ZFYVE16: variants seen among roughly 807,000 people sequenced by gnomAD.
The protein encoded by ZFYVE16 is zinc finger FYVE-type containing 16.
A neutral mutation model predicts 138.1 loss-of-function variants in ZFYVE16; 89 were observed. The observed-to-expected ratio is 0.64, with a 90% CI of 0.54 to 0.77. ZFYVE16 has a LOEUF of 0.77. Among genes scored for constraint, ZFYVE16 ranks in the 30% least tolerant of loss-of-function variants. The pLI is 0.00. For missense variants in ZFYVE16, 1,793 were observed against 1,786.7 expected (o/e 1.00, Z -0.06); for synonymous variants, 596 against 618.3 (o/e 0.96, Z 0.53).
At chr5:80,458,040 A>C (rs1261326313) in intron 14 of ZFYVE16, among the ~76,000 whole-genome samples, 1 of 151,588 alleles carries the variant, frequency 6.6e-6, no homozygotes, top group Non-Finnish European at 1.5e-5. Flanking sequence ...TCTAAAAAAA[A>C]AAAAAAAAAA....
chr5:80,477,429 C>G lies in ZFYVE16; in HGVS notation c.*52C>G. 8 of 1,527,654 alleles carry G rather than the reference C, an allele frequency of 5.2e-6. No homozygotes were observed. The highest frequency in any genetic ancestry group is 7.0e-6 in the Non-Finnish European group (8 of 1,136,872). The allele number at this position is 1,527,654 out of a possible 1,614,324, so 94.6% of individuals were successfully genotyped here. A position where few individuals can be genotyped will look rare whatever the true frequency, so the allele number is the denominator to read the frequency against. ...GCAACCTAATTTGTTAAAACTAACT[C>G]CAGCACTAAAGCTGAAATGCCACAA... On this transcript the variant is annotated 3_prime_UTR_variant, in exon 19 of 19. Coordinates refer to ENST00000505560, the MANE Select transcript of ZFYVE16 (RefSeq NM_001284236.3).
chr5:80,428,371 T>C (rs921264189), intron 2 of ZFYVE16, among the ~76,000 whole-genome samples: 12 of 152,146 alleles, frequency 7.9e-5, no homozygotes, highest in African/African-American at 2.9e-4. Flanking sequence ...TCCAGCAAAC[T>C]CCAACAGACC....
intron 3 of ZFYVE16, among the ~76,000 whole-genome samples, chr5:80,434,924 C>T (rs907623946): frequency 3.3e-5 from 5 of 151,194 alleles, no homozygotes; most frequent in Admixed American, 2.6e-4. Context: ...TGCAGTGGCG[C>T]CATGTCAGCT....
chr5:80,442,075 TGATA>T (rs1280883169), intron 5 of ZFYVE16: 14 of 362,160 alleles, frequency 3.9e-5, no homozygotes, highest in African/African-American at 2.2e-5. Flanking sequence ...AGTGTAAGAG[TGATA>T]GATAGTTAAC....
Position 80,481,854 on chromosome 5 carries a change from C to CT in ZFYVE16, c.*4478dup, listed in dbSNP as rs530429067. Among the ~76,000 whole-genome samples, 26 of 152,252 alleles carry CT rather than the reference C, an allele frequency of 1.7e-4. No individual in the cohort carries two copies. Among genetic ancestry groups the CT allele is most frequent in the South Asian group, 6.2e-4 (3 of 4,828 alleles). ...TTTTTATTTATTTTTGAGACAGTCTCTATCACCCAGGCTAGAGTGCAGTGA... is the reference window on the plus strand; with the variant it reads ...TTTTTATTTATTTTTGAGACAGTCTCTTATCACCCAGGCTAGAGTGCAGTGA... On this transcript the variant is annotated 3_prime_UTR_variant, in exon 19 of 19. Coordinates refer to ENST00000505560, the MANE Select transcript of ZFYVE16 (RefSeq NM_001284236.3).
In ZFYVE16 at chr5:80,473,753, G is replaced by T; in HGVS notation, c.4188-1G>T. On this transcript the variant is annotated splice_acceptor_variant, in intron 16 of 18. Coordinates refer to ENST00000505560, the MANE Select transcript of ZFYVE16 (RefSeq NM_001284236.3). LOFTEE classifies it high-confidence loss of function. ...CTATTGTATTATGTTTTATTTCATA[G>T]AGTTATCAGTTCAGTGGATGGAATA... The T allele has an allele frequency of 6.3e-7, 1 of 1,595,138 alleles. No individual in the cohort carries two copies. Among genetic ancestry groups the T allele is most frequent in the South Asian group, 1.1e-5 (1 of 89,246 alleles).
chr5:80,425,698 C>G (rs1561244501), intron 1 of ZFYVE16, among the ~76,000 whole-genome samples: 1 of 152,166 alleles, frequency 6.6e-6, no homozygotes, highest in African/African-American at 2.4e-5. Context: ...TTATGCTTGA[C>G]TTTCCTGTAA....
intron 17 of ZFYVE16, 101 bp downstream of exon 17, chr5:80,473,960 A>T (rs1754641533): frequency 2.5e-6 from 2 of 813,654 alleles, no homozygotes; most frequent in South Asian, 3.5e-5. Context: ...TGCATAGCTT[A>T]TTATACTTTT....
chr5:80,468,921 C>T (rs1318565797), intron 15 of ZFYVE16, among the ~76,000 whole-genome samples: 2 of 151,810 alleles, frequency 1.3e-5, no homozygotes, highest in Non-Finnish European at 2.9e-5. Flanking sequence ...GGCTGGGACT[C>T]CTAATATAAT....
intron 11 of ZFYVE16, 55 bp downstream of exon 11, chr5:80,451,764 A>T: frequency 6.8e-7 from 1 of 1,463,414 alleles, no homozygotes; most frequent in Non-Finnish European, 9.4e-7. Context: ...CTGAATGTAA[A>T]GACTTTCAGG....
At chr5:80,443,405 A>C in intron 6 of ZFYVE16, 121 bp downstream of exon 6, 1 of 1,192,246 alleles carries the variant, frequency 8.4e-7, no homozygotes, top group Non-Finnish European at 1.2e-6. Flanking sequence ...GATTTAATAC[A>C]GGGAATTGGT....
chr5:80,409,746 G>A (rs900148982), intron 1 of ZFYVE16: 1 of 152,212 alleles, frequency 6.6e-6, no homozygotes, highest in Admixed American at 6.5e-5. Context: ...CAGGAAAAGC[G>A]AGGATCTTAC....
chr5:80,466,475 C>T (rs1383685641), intron 15 of ZFYVE16, among the ~76,000 whole-genome samples: 2 of 151,940 alleles, frequency 1.3e-5, no homozygotes, highest in Non-Finnish European at 2.9e-5. Context: ...CATTGATATT[C>T]TCTGTTTGGT....
intron 15 of ZFYVE16, among the ~76,000 whole-genome samples, chr5:80,470,840 C>T (rs1754293192): frequency 6.6e-6 from 1 of 152,076 alleles, no homozygotes; most frequent in Non-Finnish European, 1.5e-5. Flanking sequence ...GTATATTTGT[C>T]ATTGTTATAT....
intron 5 of ZFYVE16, 39 bp from the exon 6 acceptor site, chr5:80,443,084 A>C: frequency 6.7e-7 from 1 of 1,482,864 alleles, no homozygotes; most frequent in Non-Finnish European, 8.9e-7. Context: ...AATTCCAAAA[A>C]CATCTGAGAT....
At chr5:80,441,900 T>G (rs2112404926) in intron 5 of ZFYVE16, 1 of 985,308 alleles carries the variant, frequency 1.0e-6, no homozygotes. Context: ...ATTTTTTGGA[T>G]GAAGAATCAC....
Position 80,482,960 on chromosome 5 carries a change from G to A in ZFYVE16, c.*5583G>A, listed in dbSNP as rs1017657944. ...AGCTCACTGCAACCTCCGCCTCCCG[G>A]TTCAAGCAGTTCTCCTGTCTGAGCC... On this transcript the variant is annotated 3_prime_UTR_variant, in exon 19 of 19. Coordinates refer to ENST00000505560, the MANE Select transcript of ZFYVE16 (RefSeq NM_001284236.3). 1 of 151,994 alleles carries A rather than the reference G, an allele frequency of 6.6e-6. No homozygotes were observed. Among genetic ancestry groups the A allele is most frequent in the Non-Finnish European group, 1.5e-5 (1 of 68,090 alleles). 9.4% of individuals were successfully genotyped at this position (151,994 alleles called of 1,614,324 possible).
intron 5 of ZFYVE16, among the ~76,000 whole-genome samples, chr5:80,442,382 A>G (rs573308396): frequency 2.8e-4 from 43 of 152,334 alleles, no homozygotes; most frequent in African/African-American, 1.0e-3. Flanking sequence ...TGTTGGGATT[A>G]CAAGCATGAG....
At chr5:80,420,460 G>A (rs1157971322) in intron 1 of ZFYVE16, among the ~76,000 whole-genome samples, 2 of 151,920 alleles carry the variant, frequency 1.3e-5, no homozygotes, top group Non-Finnish European at 2.9e-5. Context: ...CCCACACCAC[G>A]ACAGGCCCTG....
Sources: allele counts gnomAD v4.1 joint callset (sites outside exome capture counted in the v4.1 genomes callset), GRCh38; gene constraint gnomAD v4.1.1; transcripts MANE v1.5; gene names NCBI Gene and HGNC (gene_info 2026-07-23, HGNC 2026-07-21).